Variants in COL18A1 observed in about 807,000 individuals in gnomAD.
COL18A1 encodes collagen alpha-1(XVIII) chain.
A neutral mutation model predicts 168.0 loss-of-function variants in COL18A1; 133 were observed. The observed-to-expected ratio is 0.79, with a 90% confidence interval of 0.69 to 0.91. The LOEUF (loss-of-function observed/expected upper bound fraction) is 0.91. Ranked by LOEUF, COL18A1 falls within the 40% of genes least tolerant of loss-of-function variation. The pLI is 0.00. For synonymous variants in COL18A1, 949 were observed against 809.0 expected (o/e 1.17, Z -2.94); for missense variants, 2,126 against 1,925.4 (o/e 1.10, Z -1.95).
intron 3 of COL18A1, among the ~76,000 whole-genome samples, chr21:45,469,037 C>T (rs895997369): frequency 2.0e-5 from 3 of 152,324 alleles, no homozygotes; most frequent in African/African-American, 7.2e-5. Context: ...CTGGCTCCTG[C>T]GCCCCCAGGA....
chr21:45,454,031 G>A (rs2034718498), intron 2 of COL18A1, among the ~76,000 whole-genome samples: 1 of 152,326 alleles, frequency 6.6e-6, no homozygotes, highest in South Asian at 2.1e-4. Context: ...TTCCGGAGGC[G>A]TGTTCAGACA....
Position 45,505,572 on chromosome 21 carries a change from G to A in COL18A1, c.3087+141G>A, listed in dbSNP as rs561104285. The A allele has an allele frequency of 1.1e-3, 727 of 686,630 alleles. 7 individuals carry two copies. The African/African-American group carries it at 0.011, about 11-fold the overall frequency. 42.5% of individuals were successfully genotyped at this position (686,630 alleles called of 1,614,324 possible). On this transcript the variant is annotated intron_variant, in intron 36 of 41. Transcript: ENST00000651438. ...AAGATGCGGTTTCCAGGGTGGAAGC[G>A]GGGCCAGGCCATGGGGGAATCAGGT...
intron 2 of COL18A1, among the ~76,000 whole-genome samples, chr21:45,445,577 C>A (rs1214418687): frequency 6.6e-6 from 1 of 152,226 alleles, no homozygotes; most frequent in Non-Finnish European, 1.5e-5. Flanking sequence ...CTTCCTGCAG[C>A]CTTGGGAGTT....
At position 45,510,240 on chromosome 21, in the gene COL18A1, C is replaced by T. The variant is rs369895316; in HGVS notation, c.3672C>T (p.Ala1224=). 3.5e-5 allele frequency: 57 copies of T among 1,605,840 alleles called. No homozygotes were observed. The highest frequency in any genetic ancestry group is 3.2e-4 in the African/African-American group (24 of 74,796). Reference sequence around the variant, plus strand: ...TCGTGCGCCGTGCCGACCGCGCAGCCGTGCCCATCGTCAACCTCAAGGTGG... The same window carrying T: ...TCGTGCGCCGTGCCGACCGCGCAGCTGTGCCCATCGTCAACCTCAAGGTGG... The part of the protein sequence containing the change: ...YSIVRRADRA[A]VPIVNLKDEL... Residue 1224 remains alanine (A), a synonymous_variant, in exon 40 of 42, where the codon GCC becomes GCT. Transcript: ENST00000651438.
chr21:45,474,874 G>A (rs780527067), intron 4 of COL18A1, among the ~76,000 whole-genome samples: 19 of 150,938 alleles, frequency 1.3e-4, no homozygotes, highest in African/African-American at 1.7e-4. Flanking sequence ...CAATAAGCCC[G>A]TTGTTTTTGC....
At chr21:45,494,368 G>A in intron 26 of COL18A1, 177 bp from the exon 27 acceptor site, 1 of 796,118 alleles carries the variant, frequency 1.3e-6, no homozygotes, top group Non-Finnish European at 2.0e-6. Context: ...CCCCAGGGCT[G>A]CCTGCGCCTT....
At chr21:45,433,028 G>GA (rs1305955294) in intron 2 of COL18A1, among the ~76,000 whole-genome samples, 2 of 152,200 alleles carry the variant, frequency 1.3e-5, no homozygotes, top group Admixed American at 6.5e-5. Flanking sequence ...ATAGGTTCTA[G>GA]AAAAAACAGC....
intron 2 of COL18A1, among the ~76,000 whole-genome samples, chr21:45,418,243 G>A (rs995841349): frequency 2.0e-5 from 3 of 152,216 alleles, no homozygotes; most frequent in African/African-American, 7.2e-5. Context: ...TCCCTGGTGG[G>A]GGCAGAGGGG....
intron 2 of COL18A1, among the ~76,000 whole-genome samples, chr21:45,455,326 C>T (rs1227650206): frequency 4.6e-5 from 7 of 152,252 alleles, no homozygotes; most frequent in Admixed American, 2.0e-4. Context: ...GTTATAAATC[C>T]TTGGGTGCTG....
In COL18A1 at chr21:45,498,527, A is replaced by T; in HGVS notation, c.2683+866A>T. 1 of 716,456 alleles carries T rather than the reference A, an allele frequency of 1.4e-6. No homozygotes were observed. 44.4% of individuals were successfully genotyped at this position (716,456 alleles called of 1,614,324 possible). On this transcript the variant is annotated intron_variant, in intron 32 of 41. Transcript: ENST00000651438. The surrounding 1 kb of genome is among the most constrained non-coding windows in gnomAD (Gnocchi z 4.5). ...AGGGTCCTCTGCAGAGGAGGCCGCCATACCTGCTCTTGCTGGGGCTGCACT... is the reference window on the plus strand; with the variant it reads ...AGGGTCCTCTGCAGAGGAGGCCGCCTTACCTGCTCTTGCTGGGGCTGCACT...
chr21:45,411,281 GGGGCT>G (rs1457065029), intron 2 of COL18A1, among the ~76,000 whole-genome samples: 1 of 152,190 alleles, frequency 6.6e-6, no homozygotes, highest in East Asian at 1.9e-4. Context: ...CTTCCATGCT[GGGGCT>G]AAAGAGGCCA....
intron 2 of COL18A1, among the ~76,000 whole-genome samples, chr21:45,413,265 T>C (rs2033350980): frequency 6.6e-6 from 1 of 152,242 alleles, no homozygotes; most frequent in Non-Finnish European, 1.5e-5. Context: ...GCGCTGTGCC[T>C]GCTGAACTGA....
In COL18A1 at chr21:45,456,571, G is replaced by T. The variant is rs536492922; in HGVS notation, c.107-11671G>T. On this transcript the variant is annotated intron_variant, in intron 2 of 41. Transcript: ENST00000651438. ...CCTCCCTGCCAGTCTGCGGCCACCT[G>T]GGCATCTCACGCTTCTGGCTGCCCA... 1,565 of 1,545,202 alleles carry T rather than the reference G, an allele frequency of 1.0e-3. 3 individuals carry two copies. Among genetic ancestry groups the T allele is most frequent in the Non-Finnish European group, 1.2e-3 (1,387 of 1,146,642 alleles).
intron 4 of COL18A1, among the ~76,000 whole-genome samples, chr21:45,475,184 A>G (rs2035603586): frequency 6.6e-6 from 1 of 152,142 alleles, no homozygotes; most frequent in South Asian, 2.1e-4. Context: ...AGAAGAGAGG[A>G]GCGCGTTCCC....
In COL18A1 at chr21:45,474,353, CTG is replaced by C. The variant is rs752938544; in HGVS notation, c.738+377_738+378del. Among the ~76,000 whole-genome samples, 10 of 140,148 alleles carry C rather than the reference CTG, an allele frequency of 7.1e-5. No homozygotes were observed. In the East Asian group the frequency reaches 1.5e-3, roughly 21 times the overall value. 91.9% of individuals were successfully genotyped at this position (140,148 alleles called of 152,430 possible). Reference sequence around the variant, plus strand: ...GTGTTGTGTGTGGATGTGTGTGTGTCTGTGTGGTGTGTCTGTCTTGTGTGTTG... The same window carrying C: ...GTGTTGTGTGTGGATGTGTGTGTGTCTGTGGTGTGTCTGTCTTGTGTGTTG... On this transcript the variant is annotated intron_variant, in intron 4 of 41. Transcript: ENST00000651438.
Position 45,496,518 on chromosome 21 carries a change from G to A in COL18A1, c.2527G>A (p.Gly843Arg). The A allele has an allele frequency of 2.0e-6, 3 of 1,504,348 alleles. No individual in the cohort carries two copies. The highest frequency in any genetic ancestry group is 2.8e-6 in the Non-Finnish European group (3 of 1,080,652). 93.2% of individuals were successfully genotyped at this position (1,504,348 alleles called of 1,614,324 possible). A position where few individuals can be genotyped will look rare whatever the true frequency, so the allele number is the denominator to read the frequency against. Reference sequence around the variant, plus strand: ...CCCACAGGGAATGCCCGGCCCCCCAGGACCTCCAGGGCCCCCAGGCCCTCC... The same window carrying A: ...CCCACAGGGAATGCCCGGCCCCCCAAGACCTCCAGGGCCCCCAGGCCCTCC... ...FGMRGMPGPP[G>R]PPGPPGPPGT... Residue 843 changes from glycine (G) to arginine (R), a missense_variant, in exon 30 of 42, where the codon GGA (glycine) becomes AGA (arginine). By Grantham distance (125) the Gly-to-Arg change is moderately radical (BLOSUM62 -2). Transcript: ENST00000651438.
At chr21:45,458,051 T>C (rs1353933591) in intron 2 of COL18A1, among the ~76,000 whole-genome samples, 1 of 132,308 alleles carries the variant, frequency 7.6e-6, no homozygotes, top group Non-Finnish European at 1.6e-5. Flanking sequence ...GGACAAGTGC[T>C]GACAACAGGT....
Position 45,477,475 on chromosome 21 carries a change from C to A in COL18A1, c.993C>A (p.Gly331=), listed in dbSNP as rs753277344. 36 of 1,610,648 alleles carry A rather than the reference C, an allele frequency of 2.2e-5. No homozygotes were observed. Among genetic ancestry groups the A allele is most frequent in the Admixed American group, 1.7e-4 (10 of 59,716 alleles). The part of the protein sequence containing the change: ...TWDGSVRTPG[G]RVKEGGLKGQ... ...ACGGGAGTGTCCGGACCCCTGGGGG[C>A]CGCGTGAAAGAGGTAAGGCCACCTC... The change falls in exon 7 of 42, where the codon GGC becomes GGA. Residue 331 remains glycine, a synonymous_variant. Coordinates refer to ENST00000651438, the MANE Select transcript of COL18A1 (RefSeq NM_001379500.1).
intron 2 of COL18A1, among the ~76,000 whole-genome samples, chr21:45,448,556 T>C (rs2034552795): frequency 6.6e-6 from 1 of 152,244 alleles, no homozygotes; most frequent in Non-Finnish European, 1.5e-5. Flanking sequence ...CATACCCACA[T>C]GCAAGTACAG....
Sources: allele counts gnomAD v4.1 joint callset (sites outside exome capture counted in the v4.1 genomes callset), GRCh38; gene constraint gnomAD v4.1.1; non-coding constraint Gnocchi (gnomAD v3.1); transcripts MANE v1.5; gene names NCBI Gene and HGNC (gene_info 2026-07-23, HGNC 2026-07-21).